The following PPM1H variants were observed in gnomAD, a reference collection of about 807,000 sequenced individuals.
PPM1H encodes the protein protein phosphatase 1H.
A neutral mutation model predicts 54.9 loss-of-function variants in PPM1H; 27 were observed. That is an observed-to-expected ratio of 0.49 (90% CI 0.36 to 0.68). PPM1H has a LOEUF of 0.68. Ranked by LOEUF, PPM1H falls within the 30% of genes least tolerant of loss-of-function variation. PPM1H has a pLI of 0.00. For synonymous variants in PPM1H, 305 were observed against 270.8 expected, an observed-to-expected ratio of 1.13 and a Z score of -1.24; for missense variants, 596 against 667.8, an observed-to-expected ratio of 0.89 and a Z score of 1.19.
intron 4 of PPM1H, among the ~76,000 whole-genome samples, chr12:62,753,717 ACTGGTGGGGGCTTGCCTGGGAG>A (rs1369561149): frequency 2.6e-5 from 4 of 152,206 alleles, no homozygotes; most frequent in Non-Finnish European, 5.9e-5. Flanking sequence ...AGAGGCTGAG[ACTGGTGGGGGCTTGCCTGGGAG>A]AATGCCAGGT....
chr12:62,906,993 T>C (rs1871320626), intron 1 of PPM1H, among the ~76,000 whole-genome samples: 1 of 152,226 alleles, frequency 6.6e-6, no homozygotes, highest in Non-Finnish European at 1.5e-5. Flanking sequence ...AAAATGGAGC[T>C]GAGAAATACT....
chr12:62,654,571 G>T (rs746059477), intron 9 of PPM1H, among the ~76,000 whole-genome samples: 5 of 152,284 alleles, frequency 3.3e-5, no homozygotes, highest in Non-Finnish European at 7.4e-5. Flanking sequence ...TTGGCCGCTT[G>T]GCCGCTTGGT....
intron 8 of PPM1H, among the ~76,000 whole-genome samples, chr12:62,678,692 T>C (rs1363344413): frequency 9.6e-6 from 1 of 103,632 alleles, no homozygotes; most frequent in Non-Finnish European, 1.9e-5. Context: ...TTCTGCATAC[T>C]TTTTTTTTTT....
intron 1 of PPM1H, among the ~76,000 whole-genome samples, chr12:62,837,578 T>TAA (rs1868540445): frequency 6.6e-6 from 1 of 152,190 alleles, no homozygotes; most frequent in Admixed American, 6.5e-5. Context: ...GATTCAAACT[T>TAA]GGTCTCTGTT....
At chr12:62,826,307 G>A (rs1868290839) in intron 2 of PPM1H, among the ~76,000 whole-genome samples, 1 of 152,146 alleles carries the variant, frequency 6.6e-6, no homozygotes, top group Admixed American at 6.6e-5. Flanking sequence ...AAAATAGCCA[G>A]GTATGGTGGT....
chr12:62,782,995 A>G (rs1329525331), intron 4 of PPM1H, among the ~76,000 whole-genome samples: 1 of 151,886 alleles, frequency 6.6e-6, no homozygotes, highest in Non-Finnish European at 1.5e-5. Context: ...CACCCAGCTA[A>G]TGTATATATA....
intron 1 of PPM1H, among the ~76,000 whole-genome samples, chr12:62,847,498 C>T (rs1869018314): frequency 6.6e-6 from 1 of 152,152 alleles, no homozygotes; most frequent in Non-Finnish European, 1.5e-5. Flanking sequence ...CAAGTACCTA[C>T]TAAATGAAAG....
intron 2 of PPM1H, among the ~76,000 whole-genome samples, chr12:62,803,279 C>T (rs534223181): frequency 1.3e-5 from 2 of 152,306 alleles, no homozygotes; most frequent in African/African-American, 4.8e-5. Flanking sequence ...TTCTAGACTA[C>T]TTCAAGATGA....
intron 4 of PPM1H, among the ~76,000 whole-genome samples, chr12:62,763,462 A>G (rs560360172): frequency 6.6e-6 from 1 of 152,358 alleles, no homozygotes; most frequent in East Asian, 1.9e-4. Flanking sequence ...CTTTGCATGC[A>G]GCAGTTGCTT....
At chr12:62,688,485 T>A (rs1170501908) in intron 8 of PPM1H, among the ~76,000 whole-genome samples, 1 of 151,884 alleles carries the variant, frequency 6.6e-6, no homozygotes, top group Non-Finnish European at 1.5e-5. Flanking sequence ...ATACTATCGG[T>A]TAGACTTTTC....
intron 5 of PPM1H, among the ~76,000 whole-genome samples, chr12:62,732,427 T>C (rs2076326772): frequency 6.6e-6 from 1 of 152,162 alleles, no homozygotes; most frequent in Admixed American, 6.5e-5. Context: ...TTGATGTGGA[T>C]CAAAATGGTT....
At chr12:62,806,336 A>ATTTTTAATT (rs1310114904) in intron 2 of PPM1H, among the ~76,000 whole-genome samples, 3 of 152,240 alleles carry the variant, frequency 2.0e-5, no homozygotes, top group Non-Finnish European at 4.4e-5. Context: ...CTGATTTTTA[A>ATTTTTAATT]TTCAACCAAT....
At chr12:62,689,189 T>C (rs1324059600) in intron 8 of PPM1H, among the ~76,000 whole-genome samples, 1 of 151,948 alleles carries the variant, frequency 6.6e-6, no homozygotes, top group Non-Finnish European at 1.5e-5. Flanking sequence ...ATGTTTGGAG[T>C]TGGGGAGAAA....
chr12:62,724,746 T>C (rs1246321506), intron 5 of PPM1H, among the ~76,000 whole-genome samples: 1 of 152,210 alleles, frequency 6.6e-6, no homozygotes, highest in African/African-American at 2.4e-5. Flanking sequence ...AATTAAAATA[T>C]GTATAATTCT....
At chr12:62,804,391 TC>T (rs2076792065) in intron 2 of PPM1H, among the ~76,000 whole-genome samples, 1 of 148,620 alleles carries the variant, frequency 6.7e-6, no homozygotes, top group Non-Finnish European at 1.5e-5. Flanking sequence ...GTTGCATTTA[TC>T]CTGGCTTTGA....
At chr12:62,781,151 G>A (rs2076639928) in intron 4 of PPM1H, among the ~76,000 whole-genome samples, 1 of 152,220 alleles carries the variant, frequency 6.6e-6, no homozygotes, top group Non-Finnish European at 1.5e-5. Context: ...AGGATAGGAT[G>A]CTTCACAGCT....
chr12:62,755,459 A>C (rs1199151052), intron 4 of PPM1H: 3 of 687,112 alleles, frequency 4.4e-6, no homozygotes, highest in Non-Finnish European at 8.1e-6. Context: ...ATCTTCCAGG[A>C]GCGAGATCCC....
chr12:62,835,844 G>A (rs1249126494), intron 1 of PPM1H, among the ~76,000 whole-genome samples: 2 of 152,116 alleles, frequency 1.3e-5, no homozygotes, highest in Non-Finnish European at 2.9e-5. Context: ...GCTCTAACAA[G>A]TTTGACCAGT....
chr12:62,726,297 T>C (rs889003632), intron 5 of PPM1H, among the ~76,000 whole-genome samples: 1 of 152,210 alleles, frequency 6.6e-6, no homozygotes, highest in African/African-American at 2.4e-5. Flanking sequence ...TTAGTCTATC[T>C]TTTTGTGCAA....
Sources: allele counts gnomAD v4.1 joint callset (sites outside exome capture counted in the v4.1 genomes callset), GRCh38; gene constraint gnomAD v4.1.1; transcripts MANE v1.5; gene names NCBI Gene and HGNC (gene_info 2026-07-23, HGNC 2026-07-21).